Variants in GGT7 observed in about 807,000 individuals in gnomAD.
The protein encoded by GGT7 is gamma-glutamyltransferase 7.
GGT7 carries 30 observed loss-of-function variants against 69.2 expected under a neutral mutation model. The observed-to-expected ratio is 0.43, with a 90% CI of 0.32 to 0.59. GGT7 has a LOEUF of 0.59. Ranked by LOEUF, GGT7 falls within the 20% of genes least tolerant of loss-of-function variation. The pLI is 0.05. For synonymous variants in GGT7, 388 were observed against 391.8 expected, an observed-to-expected ratio of 0.99 and a Z score of 0.12; for missense variants, 733 against 901.1, an observed-to-expected ratio of 0.81 and a Z score of 2.39.
intron 1 of GGT7, among the ~76,000 whole-genome samples, chr20:34,867,813 C>T (rs2079717674): frequency 6.6e-6 from 1 of 152,282 alleles, no homozygotes; most frequent in South Asian, 2.1e-4. Flanking sequence ...GCATCAAGAG[C>T]CATTTCTACC....
At chr20:34,859,171 T>TAA (rs11357916) in intron 7 of GGT7, among the ~76,000 whole-genome samples, 3 of 143,998 alleles carry the variant, frequency 2.1e-5, no homozygotes, top group African/African-American at 7.6e-5. Flanking sequence ...CTCCGTCTCA[T>TAA]AAAAAAAAAA....
At position 34,860,242 on chromosome 20, in the gene GGT7, G is replaced by T. The variant is rs1462563048; in HGVS notation, c.743+12C>A. The T allele has an allele frequency of 1.9e-6, 3 of 1,602,916 alleles. No homozygotes were observed. Among genetic ancestry groups the T allele is most frequent in the Non-Finnish European group, 1.7e-6 (2 of 1,169,890 alleles). ...AACGGGGGTCCCTGGTCCCCAGGGGGAGGGTTGTTACCTGCCATAGAGCTG... is the reference window on the plus strand; with the variant it reads ...AACGGGGGTCCCTGGTCCCCAGGGGTAGGGTTGTTACCTGCCATAGAGCTG... On this transcript the variant is annotated intron_variant, in intron 5 of 14. Transcript: ENST00000336431.
chr20:34,863,849 G>C lies in GGT7; in HGVS notation c.170-301C>G, dbSNP rs913179817. 2 of 572,584 alleles carry C rather than the reference G, an allele frequency of 3.5e-6. No individual in the cohort carries two copies. The highest frequency in any genetic ancestry group is 6.6e-6 in the Non-Finnish European group (2 of 301,300). 35.5% of individuals were successfully genotyped at this position (572,584 alleles called of 1,614,324 possible). On this transcript the variant is annotated intron_variant, in intron 1 of 14. Coordinates refer to ENST00000336431, the MANE Select transcript of GGT7 (RefSeq NM_178026.3). The surrounding 1 kb of genome is among the most constrained non-coding windows in gnomAD (Gnocchi z 4.4). ...GCCCAGGGCTGAGAACACTTCCTGGGGGGTGGGGTGGGGGTTCCAGCCCTC... is the reference window on the plus strand; with the variant it reads ...GCCCAGGGCTGAGAACACTTCCTGGCGGGTGGGGTGGGGGTTCCAGCCCTC...
chr20:34,856,863 C>G lies in GGT7; in HGVS notation c.1045G>C (p.Glu349Gln). The change falls in exon 8 of 15, where the codon GAG becomes CAG. Residue 349 changes from glutamate to glutamine, a missense_variant. Glu to Gln is a conservative substitution (Grantham distance 29). Coordinates refer to ENST00000336431, the MANE Select transcript of GGT7 (RefSeq NM_178026.3). ...AQHAGGVITEEDFSNYSALVE... is the reference protein window; with the variant it reads ...AQHAGGVITEQDFSNYSALVE... ...AGGGCGCTGTAATTGCTGAAGTCCT[C>G]TTCGGTTATGACACCCCCTGCGTGC... 6.2e-7 allele frequency: 1 copy of G among 1,612,046 alleles called. No individual in the cohort carries two copies. The highest frequency in any genetic ancestry group is 2.2e-5 in the East Asian group (1 of 44,848).
chr20:34,871,661 G>A (rs1471681718), intron 1 of GGT7, among the ~76,000 whole-genome samples: 4 of 152,240 alleles, frequency 2.6e-5, no homozygotes, highest in Non-Finnish European at 5.9e-5. Flanking sequence ...GAGCAGCTAG[G>A]GAAGGGCCAA....
At position 34,872,649 on chromosome 20, in the gene GGT7, G is replaced by T. The variant is rs1248885812; in HGVS notation, c.167C>A (p.Thr56Asn). 3 of 1,472,028 alleles carry T rather than the reference G, an allele frequency of 2.0e-6. No homozygotes were observed. Among genetic ancestry groups the T allele is most frequent in the Admixed American group, 5.4e-5 (2 of 36,880 alleles). 91.2% of individuals were successfully genotyped at this position (1,472,028 alleles called of 1,614,324 possible). The change falls in exon 1 of 15, where the codon ACC (threonine) becomes AAC (asparagine). Residue 56 changes from threonine (T) to asparagine (N), a missense_variant and splice_region_variant. By Grantham distance (65) the Thr-to-Asn change is moderately conservative. Transcript: ENST00000336431. ...DEDAFLGDPD[T>N]DPDSFLKSAR... The stretch of plus-strand genomic sequence containing the variant: ...GGGACGGGGTCAGCGGGCCTCACCG[G>T]TGTCGGGGTCTCCCAGAAAGGCGTC...
At chr20:34,871,168 C>A (rs114798708) in intron 1 of GGT7, among the ~76,000 whole-genome samples, 1 of 152,142 alleles carries the variant, frequency 6.6e-6, no homozygotes, top group African/African-American at 2.4e-5. Context: ...GATAATTGCA[C>A]AAATAAATAA....
intron 1 of GGT7, among the ~76,000 whole-genome samples, chr20:34,871,237 C>A (rs1307850249): frequency 6.6e-6 from 1 of 152,136 alleles, no homozygotes; most frequent in Non-Finnish European, 1.5e-5. Context: ...ACATGTCAGG[C>A]AGTTCCAATC....
At chr20:34,846,334 A>C (rs1601209611) in intron 14 of GGT7, among the ~76,000 whole-genome samples, 2 of 119,832 alleles carry the variant, frequency 1.7e-5, no homozygotes, top group Admixed American at 1.1e-4. Flanking sequence ...GCGGAGTCTC[A>C]CTCTTGTTGC....
chr20:34,845,389 T>C lies in GGT7; in HGVS notation c.1928A>G (p.Asn643Ser), dbSNP rs776347416. ...SWVHGSRRTN[N>S]FIIAVKDPRS... ...AGGGTCCTTAACAGCGATGATGAAG[T>C]TGTTGGTCCTTCGGCTGCCATGGAC... Residue 643 changes from asparagine (N) to serine (S), a missense_variant, in exon 15 of 15, where the codon AAC (asparagine) becomes AGC (serine). Coordinates refer to ENST00000336431, the MANE Select transcript of GGT7 (RefSeq NM_178026.3). The C allele has an allele frequency of 5.6e-6, 9 of 1,614,002 alleles. No individual in the cohort carries two copies. In the African/African-American group the frequency reaches 8.0e-5, roughly 14 times the overall value.
At chr20:34,861,338 CTTT>C (rs762619807) in intron 4 of GGT7, 104 bp downstream of exon 4, 1 of 525,760 alleles carries the variant, frequency 1.9e-6, no homozygotes, top group Non-Finnish European at 3.4e-6. Flanking sequence ...CTGCTCAACT[CTTT>C]TTCCCACTCC....
At chr20:34,866,653 C>T (rs369487744) in intron 1 of GGT7, among the ~76,000 whole-genome samples, 2 of 151,896 alleles carry the variant, frequency 1.3e-5, no homozygotes, top group African/African-American at 4.8e-5. Flanking sequence ...AATCTCGGCT[C>T]ACTGCAACCT....
At chr20:34,866,434 T>C (rs546202965) in intron 1 of GGT7, among the ~76,000 whole-genome samples, 36 of 151,692 alleles carry the variant, frequency 2.4e-4, no homozygotes, top group African/African-American at 8.5e-4. Context: ...CTGGGCAACA[T>C]AGATAGACCC....
At chr20:34,847,101 T>C (rs1464706369) in intron 14 of GGT7, among the ~76,000 whole-genome samples, 1 of 152,236 alleles carries the variant, frequency 6.6e-6, no homozygotes, top group Admixed American at 6.5e-5. Context: ...ATTTATTTAC[T>C]GTGTCTCCCT....
At position 34,854,544 on chromosome 20, in the gene GGT7, C is replaced by A. The variant is rs757565614; in HGVS notation, c.1306G>T (p.Asp436Tyr). 6.2e-7 allele frequency: 1 copy of A among 1,600,782 alleles called. No homozygotes were observed. The highest frequency in any genetic ancestry group is 1.7e-5 in the Admixed American group (1 of 59,946). ...VYDSTITESM[D>Y]DMLSKVEAAY... ...CCCAAGACCCACCTGAGCATGTCAT[C>A]CATGCTCTCAGTGATGGTAGAATCA... The change falls in exon 10 of 15, where the codon GAT (aspartate) becomes TAT (tyrosine). Residue 436 changes from aspartate to tyrosine, a missense_variant. Transcript: ENST00000336431.
At chr20:34,849,809 C>T in intron 14 of GGT7, 152 bp downstream of exon 14, 2 of 576,036 alleles carry the variant, frequency 3.5e-6, no homozygotes, top group Non-Finnish European at 6.2e-6. Flanking sequence ...TGGTTCCAAT[C>T]CCCAGATCGT....
At chr20:34,857,026 T>G in intron 7 of GGT7, 133 bp from the exon 8 acceptor site, 1 of 684,752 alleles carries the variant, frequency 1.5e-6, no homozygotes, top group Non-Finnish European at 2.7e-6. Flanking sequence ...TCGTGGCCTT[T>G]AGAGACCCCA....
At position 34,863,053 on chromosome 20, in the gene GGT7, A is replaced by T; in HGVS notation, c.406-88T>A. The T allele has an allele frequency of 7.5e-7, 1 of 1,329,396 alleles. No homozygotes were observed. The highest frequency in any genetic ancestry group is 1.0e-6 in the Non-Finnish European group (1 of 964,564). The allele number at this position is 1,329,396 out of a possible 1,614,324, so 82.4% of individuals were successfully genotyped here. On this transcript the variant is annotated intron_variant, in intron 2 of 14. Coordinates refer to ENST00000336431, the MANE Select transcript of GGT7 (RefSeq NM_178026.3). The surrounding 1 kb of genome is among the most constrained non-coding windows in gnomAD (Gnocchi z 4.4). ...CACTAGCCCTAGAACTCTACGCGGC[A>T]TGAAGGTCGAAGCCCTGCCCCCTTG...
intron 14 of GGT7, among the ~76,000 whole-genome samples, chr20:34,847,825 C>T (rs1195003252): frequency 6.6e-6 from 1 of 152,226 alleles, no homozygotes; most frequent in African/African-American, 2.4e-5. Context: ...GGCATGGTGG[C>T]TCACGCCTGT....
Sources: gnomAD v4.1 joint callset for allele counts (sites outside exome capture counted in the v4.1 genomes callset) on GRCh38, gnomAD v4.1.1 for gene constraint, Gnocchi (gnomAD v3.1) non-coding constraint, MANE v1.5 for transcripts, NCBI Gene and HGNC (gene_info 2026-07-23, HGNC 2026-07-21) for gene names.